The following TRPM7 variants were observed in gnomAD, a reference collection of about 807,000 sequenced individuals.
TRPM7 encodes the protein transient receptor potential cation channel subfamily M member 7.
TRPM7 carries 134 observed loss-of-function variants against 229.7 expected under a neutral mutation model. The ratio of observed to expected loss-of-function variants is 0.58; its 90% CI spans 0.51 to 0.67. The LOEUF (loss-of-function observed/expected upper bound fraction) is 0.67. Ranked by LOEUF, TRPM7 falls within the 30% of genes least tolerant of loss-of-function variation. The probability of loss-of-function intolerance (pLI) is 0.00; values close to 1 mark genes in which losing one functional copy is unlikely to be tolerated. For synonymous variants in TRPM7, 699 were observed against 715.2 expected, an observed-to-expected ratio of 0.98 and a Z score of 0.36; for missense variants, 1,901 against 2,210.0, an observed-to-expected ratio of 0.86 and a Z score of 2.80.
At chr15:50,588,349 A>T (rs2059396823) in intron 27 of TRPM7, 1 of 305,282 alleles carries the variant, frequency 3.3e-6, no homozygotes, top group Non-Finnish European at 4.8e-6. Context: ...TTTGCATATA[A>T]TAACCAATTA....
chr15:50,563,302 C>A (rs749032684), intron 38 of TRPM7, among the ~76,000 whole-genome samples: 4 of 152,172 alleles, frequency 2.6e-5, no homozygotes, highest in Admixed American at 6.5e-5. Flanking sequence ...GTTTGCTGAT[C>A]TTCATTTATA....
chr15:50,580,832 T>C, intron 30 of TRPM7, 42 bp downstream of exon 30: 6 of 1,562,740 alleles, frequency 3.8e-6, no homozygotes, highest in Non-Finnish European at 5.2e-6. Context: ...ATTCAATAAC[T>C]ATGATACTTC....
At chr15:50,589,751 T>C (rs1265372933) in intron 26 of TRPM7, 95 bp from the exon 27 acceptor site, 2 of 785,734 alleles carry the variant, frequency 2.5e-6, no homozygotes, top group South Asian at 1.7e-5. Context: ...AATAGGTTTA[T>C]GCTGTTTTTC....
chr15:50,669,488 C>T (rs917507764), intron 1 of TRPM7, among the ~76,000 whole-genome samples: 1 of 152,052 alleles, frequency 6.6e-6, no homozygotes. Flanking sequence ...AAAGTCTTAT[C>T]GGAGATTCCT....
intron 1 of TRPM7, among the ~76,000 whole-genome samples, chr15:50,674,112 T>C (rs76647310): frequency 0.02 from 3,079 of 152,212 alleles, 121 homozygotes; most frequent in African/African-American, 0.071. Context: ...TCTCAGCCTC[T>C]GGAGTAGCTG....
At chr15:50,654,233 G>A (rs2061497038) in intron 3 of TRPM7, among the ~76,000 whole-genome samples, 1 of 151,596 alleles carries the variant, frequency 6.6e-6, no homozygotes. Context: ...ATCACCTGAG[G>A]TCAGGAGTTC....
chr15:50,686,018 C>T (rs1302708808), intron 1 of TRPM7, among the ~76,000 whole-genome samples: 1 of 152,230 alleles, frequency 6.6e-6, no homozygotes, highest in Admixed American at 6.5e-5. Context: ...GTATCCGCTG[C>T]ACAGCAAACA....
At chr15:50,642,501 C>T (rs1319071620) in intron 5 of TRPM7, among the ~76,000 whole-genome samples, 1 of 152,124 alleles carries the variant, frequency 6.6e-6, no homozygotes, top group Non-Finnish European at 1.5e-5. Context: ...GGCGGTTTCC[C>T]CAATGCTGTT....
At chr15:50,666,082 G>C (rs958524723) in intron 1 of TRPM7, among the ~76,000 whole-genome samples, 1 of 152,028 alleles carries the variant, frequency 6.6e-6, no homozygotes, top group African/African-American at 2.4e-5. Context: ...TCAAAGGAAA[G>C]AAATAAAATT....
chr15:50,576,490 TA>T (rs1433669505), intron 31 of TRPM7, among the ~76,000 whole-genome samples: 1 of 152,192 alleles, frequency 6.6e-6, no homozygotes, highest in Non-Finnish European at 1.5e-5. Flanking sequence ...TAATACTGTA[TA>T]AAAATATACT....
chr15:50,580,836 A>T, intron 30 of TRPM7, 38 bp downstream of exon 30: 1 of 1,568,260 alleles, frequency 6.4e-7, no homozygotes, highest in Non-Finnish European at 8.6e-7. Context: ...AATAACTATG[A>T]TACTTCGCAA....
chr15:50,677,761 C>A (rs75836252), intron 1 of TRPM7, among the ~76,000 whole-genome samples: 29,212 of 95,084 alleles, frequency 0.31, 3,749 homozygotes, highest in Admixed American at 0.4. Context: ...AAAAAAAAAA[C>A]AAAAGGTAAC....
At chr15:50,654,172 G>A (rs138588532) in intron 3 of TRPM7, among the ~76,000 whole-genome samples, 5 of 152,228 alleles carry the variant, frequency 3.3e-5, no homozygotes, top group South Asian at 4.1e-4. Context: ...ATTATTGGCC[G>A]GGTGCAGTGA....
At chr15:50,636,834 T>C (rs2060921990) in intron 7 of TRPM7, among the ~76,000 whole-genome samples, 1 of 152,108 alleles carries the variant, frequency 6.6e-6, no homozygotes, top group Non-Finnish European at 1.5e-5. Flanking sequence ...AATCACACAT[T>C]AAGAATATTT....
Position 50,632,729 on chromosome 15 carries a change from T to C in TRPM7, c.1131+140A>G, listed in dbSNP as rs1056067437. On this transcript the variant is annotated intron_variant, in intron 9 of 38. Transcript: ENST00000646667. The stretch of plus-strand genomic sequence containing the variant: ...CTCTCAACTTGAACAGACCAATAAA[T>C]GACATATTTTTATGGTTAATAAAGA... 8 of 794,780 alleles carry C rather than the reference T, an allele frequency of 1.0e-5. No homozygotes were observed. In the African/African-American group the frequency reaches 1.5e-4, roughly 15 times the overall value. The allele number at this position is 794,780 out of a possible 1,614,324, so 49.2% of individuals were successfully genotyped here.
At chr15:50,679,676 C>T (rs2062201473) in intron 1 of TRPM7, among the ~76,000 whole-genome samples, 1 of 150,626 alleles carries the variant, frequency 6.6e-6, no homozygotes, top group Non-Finnish European at 1.5e-5. Flanking sequence ...GCTGGGATTA[C>T]AGGCGCACAC....
Position 50,643,422 on chromosome 15 carries a change from T to C in TRPM7, c.453A>G (p.Arg151=). ...GACCTTTTCCAAGCAACTGCTTGAT[T>C]CGTGGGTGAAGCTCAAATTTCTGCA... ...GGMQKFELHP[R]IKQLLGKGLI... is the part of the protein sequence containing the mutation. Residue 151 remains arginine (R), a synonymous_variant, in exon 5 of 39, where the codon CGA becomes CGG. Coordinates refer to ENST00000646667, the MANE Select transcript of TRPM7 (RefSeq NM_017672.6). The C allele has an allele frequency of 6.2e-7, 1 of 1,614,232 alleles. No homozygotes were observed. Among genetic ancestry groups the C allele is most frequent in the Non-Finnish European group, 8.5e-7 (1 of 1,180,028 alleles).
At chr15:50,600,945 AT>A (rs1416636525) in intron 21 of TRPM7, among the ~76,000 whole-genome samples, 1 of 152,210 alleles carries the variant, frequency 6.6e-6, no homozygotes, top group Non-Finnish European at 1.5e-5. Context: ...GGGTGTTCTT[AT>A]TTGCAAAATG....
chr15:50,634,419 G>A lies in TRPM7; in HGVS notation c.970C>T (p.Leu324=), dbSNP rs372114048. The A allele has an allele frequency of 1.1e-5, 17 of 1,586,424 alleles. No individual in the cohort carries two copies. Among genetic ancestry groups the A allele is most frequent in the South Asian group, 1.0e-4 (9 of 86,608 alleles). Residue 324 remains leucine, a synonymous_variant, in exon 8 of 39, where the codon CTG becomes TTG. Coordinates refer to ENST00000646667, the MANE Select transcript of TRPM7 (RefSeq NM_017672.6). ...VCEGTGRAAD[L]LAYIHKQTEE... ...GTTTGTTTATGAATATACGCTAGCA[G>A]ATCTGCAGCTCTGCCTGTTCCTTCA...
Sources: gnomAD v4.1 joint callset for allele counts (sites outside exome capture counted in the v4.1 genomes callset) on GRCh38, gnomAD v4.1.1 for gene constraint, MANE v1.5 for transcripts, NCBI Gene and HGNC (gene_info 2026-07-23, HGNC 2026-07-21) for gene names.